The following ANXA9 variants were observed in gnomAD, a reference collection of about 807,000 sequenced individuals.
ANXA9 encodes annexin 31.
Under a neutral mutation model 51.8 loss-of-function variants are expected in ANXA9, and 47 were observed. The ratio of observed to expected loss-of-function variants is 0.91; its 90% CI spans 0.72 to 1.16. ANXA9 has a LOEUF of 1.16. ANXA9 is among the 50% of genes most tolerant of loss of function. The pLI is 0.00. For synonymous variants in ANXA9, 154 were observed against 168.7 expected (o/e 0.91, Z 0.68); for missense variants, 361 against 424.7 (o/e 0.85, Z 1.32).
In ANXA9 at chr1:150,987,886, A is replaced by C; in HGVS notation, c.627A>C (p.Ala209=). Residue 209 remains alanine (A), a synonymous_variant, in exon 10 of 14, where the codon GCA becomes GCC. Coordinates refer to ENST00000368947, the MANE Select transcript of ANXA9 (RefSeq NM_003568.3). ...AEQDVQALQR[A]EGPSREETWV... is the part of the protein sequence containing the mutation. ...CTCCCTCCTAGGCACTGCAGCGGGC[A>C]GAAGGACCTAGCAGAGAGGAAACAT... The C allele has an allele frequency of 6.2e-7, 1 of 1,614,068 alleles. No homozygotes were observed. The highest frequency in any genetic ancestry group is 8.5e-7 in the Non-Finnish European group (1 of 1,179,980).
At chr1:150,981,033 A>G (rs1186778171), upstream of ANXA9, among the ~76,000 whole-genome samples, 2 of 152,160 alleles carry the variant, frequency 1.3e-5, no homozygotes, top group Non-Finnish European at 2.9e-5. Context: ...AGGCCCCAGC[A>G]TGTCCCACAG....
At chr1:150,993,087 A>G (rs1179237271) in intron 12 of ANXA9, among the ~76,000 whole-genome samples, 1 of 152,070 alleles carries the variant, frequency 6.6e-6, no homozygotes, top group African/African-American at 2.4e-5. Context: ...TGCCCTAAGT[A>G]TGTGTTGTAG....
chr1:150,982,993 G>A (rs745414961), intron 2 of ANXA9, 97 bp from the exon 3 acceptor site: 14 of 821,022 alleles, frequency 1.7e-5, no homozygotes, highest in Non-Finnish European at 2.3e-5. Context: ...AAAGGAACAG[G>A]TGACTGGAAC....
In ANXA9 at chr1:150,986,216, A is replaced by G. The variant is rs993971320; in HGVS notation, c.473-120A>G. 1.4e-5 allele frequency: 11 copies of G among 785,384 alleles called. No homozygotes were observed. The Admixed American group carries it at 1.5e-4, about 11-fold the overall frequency. The allele number at this position is 785,384 out of a possible 1,614,324, so 48.7% of individuals were successfully genotyped here. On this transcript the variant is annotated intron_variant, in intron 7 of 13. Coordinates refer to ENST00000368947, the MANE Select transcript of ANXA9 (RefSeq NM_003568.3). ...CCTGGGAATTAGCAGCCATCAAGCTACTCCAAGCAGGGGCTAGCAGGGCTG... is the reference window on the plus strand; with the variant it reads ...CCTGGGAATTAGCAGCCATCAAGCTGCTCCAAGCAGGGGCTAGCAGGGCTG...
chr1:150,988,576 G>A lies in ANXA9; in HGVS notation c.852+235G>A, dbSNP rs587629498. Among the ~76,000 whole-genome samples the A allele has an allele frequency of 2.6e-5, 4 of 152,300 alleles. No individual in the cohort carries two copies. The South Asian group carries it at 8.3e-4, about 32-fold the overall frequency. On this transcript the variant is annotated intron_variant, in intron 12 of 13. Transcript: ENST00000368947. Reference sequence around the variant, plus strand: ...AACATTTTGGCCTTGTTAATGTCTAGGTGGCCAAATAGAGATATGAATCTG... The same window carrying A: ...AACATTTTGGCCTTGTTAATGTCTAAGTGGCCAAATAGAGATATGAATCTG...
chr1:150,991,151 A>T (rs114018212), intron 12 of ANXA9, among the ~76,000 whole-genome samples: 9,182 of 151,244 alleles, frequency 0.061, 916 homozygotes, highest in African/African-American at 0.21. Context: ...TCTAAAAAAA[A>T]AATAATAATA....
At position 150,994,586 on chromosome 1, in the gene ANXA9, C is replaced by G. The variant is rs760470182; in HGVS notation, c.862C>G (p.Pro288Ala). 3.1e-6 allele frequency: 5 copies of G among 1,613,728 alleles called. No individual in the cohort carries two copies. In the African/African-American group the frequency reaches 6.7e-5, roughly 22 times the overall value. The part of the protein sequence containing the change: ...KLHQALQETE[P>A]NYQVLIRILI... ...TTTCTTCCCCTACTAGGAAACTGAG[C>G]CCAATTACCAAGTCCTGATTCGCAT... Residue 288 changes from proline (P) to alanine (A), a missense_variant, in exon 13 of 14, where the codon CCC becomes GCC. Physicochemically the swap from Pro to Ala is conservative, Grantham distance 27 (BLOSUM62 -1). Coordinates refer to ENST00000368947, the MANE Select transcript of ANXA9 (RefSeq NM_003568.3).
At chr1:150,989,066 G>A (rs12075317) in intron 12 of ANXA9, among the ~76,000 whole-genome samples, 13,698 of 150,768 alleles carry the variant, frequency 0.091, 859 homozygotes, top group African/African-American at 0.18. Context: ...GGCAACCTCC[G>A]CCTCCTGGAT....
chr1:150,986,905 G>A (rs145430733), intron 9 of ANXA9, among the ~76,000 whole-genome samples: 8 of 152,246 alleles, frequency 5.3e-5, no homozygotes, highest in Non-Finnish European at 1.0e-4. Context: ...TCTCATGAGC[G>A]TTTGGGGGCA....
chr1:150,993,719 C>T (rs1444160859), intron 12 of ANXA9, among the ~76,000 whole-genome samples: 1 of 150,044 alleles, frequency 6.7e-6, no homozygotes, highest in Non-Finnish European at 1.5e-5. Flanking sequence ...ACTGCAACCT[C>T]CGCCTCCTGG....
Position 150,993,878 on chromosome 1 carries a change from C to T in ANXA9, c.853-699C>T, listed in dbSNP as rs1033936755. On this transcript the variant is annotated intron_variant, in intron 12 of 13. Coordinates refer to ENST00000368947, the MANE Select transcript of ANXA9 (RefSeq NM_003568.3). Reference sequence around the variant, plus strand: ...TCGAACTCCTACCTCAGATGATCCACGCGCCTCATCCTCCCAAAGTGCTGG... The same window carrying T: ...TCGAACTCCTACCTCAGATGATCCATGCGCCTCATCCTCCCAAAGTGCTGG... Among the ~76,000 whole-genome samples, 7 of 152,072 alleles carry T rather than the reference C, an allele frequency of 4.6e-5. No individual in the cohort carries two copies. In the South Asian group the frequency reaches 6.2e-4, roughly 14 times the overall value.
At chr1:150,991,503 G>C (rs978575647) in intron 12 of ANXA9, among the ~76,000 whole-genome samples, 14 of 151,710 alleles carry the variant, frequency 9.2e-5, no homozygotes, top group Admixed American at 7.9e-4. Context: ...CCAAAGTGCT[G>C]GGATTACAGG....
chr1:150,993,070 A>G (rs1232455511), intron 12 of ANXA9, among the ~76,000 whole-genome samples: 1 of 152,040 alleles, frequency 6.6e-6, no homozygotes. Flanking sequence ...TTTATGATCT[A>G]TTGGGATGCC....
At chr1:150,990,590 T>C (rs1671671273) in intron 12 of ANXA9, among the ~76,000 whole-genome samples, 1 of 152,350 alleles carries the variant, frequency 6.6e-6, no homozygotes, top group Non-Finnish European at 1.5e-5. Context: ...CGCATGCCTG[T>C]AATCCCAGGA....
rs957552775 is a variant in ANXA9, at chr1:150,984,756, G to A, written c.472+80G>A. On this transcript the variant is annotated intron_variant, in intron 7 of 13. Coordinates refer to ENST00000368947, the MANE Select transcript of ANXA9 (RefSeq NM_003568.3). ...CCACTCCTCTCCTGTACTCCCCATA[G>A]GTGAGCTATCTGGCAACCTGGCTGC... is the stretch of plus-strand genomic sequence containing the variant. 5.5e-6 allele frequency: 7 copies of A among 1,271,258 alleles called. No individual in the cohort carries two copies. In the African/African-American group the frequency reaches 1.1e-4, roughly 19 times the overall value. 78.7% of individuals were successfully genotyped at this position (1,271,258 alleles called of 1,614,324 possible).
At position 150,995,345 on chromosome 1, in the gene ANXA9, T is replaced by C. The variant is rs775856093; in HGVS notation, c.*23T>C. The C allele has an allele frequency of 1.3e-6, 2 of 1,586,234 alleles. No homozygotes were observed. The highest frequency in any genetic ancestry group is 2.7e-5 in the African/African-American group (2 of 73,736). On this transcript the variant is annotated 3_prime_UTR_variant, in exon 14 of 14. Transcript: ENST00000368947. ...TGAGACTTCCCTGCCCCACCCCACA[T>C]GACATCCGAGGATCTGAGATTTCCG...
chr1:150,992,880 G>A (rs587595394), intron 12 of ANXA9, among the ~76,000 whole-genome samples: 10 of 152,284 alleles, frequency 6.6e-5, no homozygotes, highest in Admixed American at 2.0e-4. Flanking sequence ...AGTAACAAGC[G>A]TTGGAAGAAG....
intron 12 of ANXA9, 49 bp from the exon 13 acceptor site, chr1:150,994,528 T>C: frequency 6.2e-7 from 1 of 1,608,086 alleles, no homozygotes. Context: ...ACCCCTACTC[T>C]CAGTGAGACT....
chr1:150,983,877 T>C (rs908865267), intron 4 of ANXA9, 98 bp from the exon 5 acceptor site: 12 of 1,197,088 alleles, frequency 1.0e-5, no homozygotes, highest in Non-Finnish European at 1.4e-5. Flanking sequence ...CTCCTTTCCT[T>C]CCCAGCCCTC....
Sources: gnomAD v4.1 joint callset for allele counts (sites outside exome capture counted in the v4.1 genomes callset) on GRCh38, gnomAD v4.1.1 for gene constraint, MANE v1.5 for transcripts, NCBI Gene and HGNC (gene_info 2026-07-23, HGNC 2026-07-21) for gene names.